The following CALCR variants were observed in gnomAD, a reference collection of about 807,000 sequenced individuals.
The protein encoded by CALCR is calcitonin receptor.
Under a neutral mutation model 59.5 loss-of-function variants are expected in CALCR, and 47 were observed. That is an observed-to-expected ratio of 0.79 (90% CI 0.63 to 1.01). CALCR has a LOEUF of 1.01. Ranked by LOEUF, CALCR falls within the 50% of genes least tolerant of loss-of-function variation. The pLI is 0.00. For synonymous variants in CALCR, 213 were observed against 211.3 expected, an observed-to-expected ratio of 1.01 and a Z score of -0.07; for missense variants, 566 against 597.1, an observed-to-expected ratio of 0.95 and a Z score of 0.54.
chr7:93,511,608 AG>A (rs1465386846), intron 2 of CALCR, among the ~76,000 whole-genome samples: 4 of 152,048 alleles, frequency 2.6e-5, no homozygotes, highest in African/African-American at 9.7e-5. Context: ...CCTTTTGAAT[AG>A]GAAAAAAAAA....
intron 2 of CALCR, among the ~76,000 whole-genome samples, chr7:93,534,189 A>G (rs1448034343): frequency 6.6e-6 from 1 of 151,892 alleles, no homozygotes; most frequent in African/African-American, 2.4e-5. Context: ...CAACGATTAC[A>G]TAACAGTCTA....
intron 2 of CALCR, among the ~76,000 whole-genome samples, chr7:93,516,762 AT>A (rs1315775110): frequency 6.6e-6 from 1 of 151,872 alleles, no homozygotes; most frequent in Non-Finnish European, 1.5e-5. Flanking sequence ...AATGATCGAT[AT>A]ATTTCTTTAA....
At chr7:93,457,607 T>A (rs1800234744) in intron 8 of CALCR, among the ~76,000 whole-genome samples, 1 of 152,166 alleles carries the variant, frequency 6.6e-6, no homozygotes. Flanking sequence ...AACGGAAGCC[T>A]CATTTCTTGG....
chr7:93,479,651 T>C (rs1800750783), intron 3 of CALCR, 144 bp from the exon 4 acceptor site: 3 of 683,152 alleles, frequency 4.4e-6, no homozygotes, highest in South Asian at 4.7e-5. Context: ...GTTTTTTTCA[T>C]ATATATTACA....
intron 2 of CALCR, among the ~76,000 whole-genome samples, chr7:93,490,089 C>CA (rs1376340129): frequency 6.6e-6 from 1 of 151,888 alleles, no homozygotes; most frequent in African/African-American, 2.4e-5. Context: ...TCCTGAGATG[C>CA]AAGTCTGGTT....
At chr7:93,440,417 A>T (rs551211341) in intron 9 of CALCR, among the ~76,000 whole-genome samples, 1 of 152,210 alleles carries the variant, frequency 6.6e-6, no homozygotes, top group East Asian at 1.9e-4. Flanking sequence ...TCCAAAGATA[A>T]TGCTTGCTTA....
At chr7:93,464,827 G>C (rs1800408318) in intron 7 of CALCR, among the ~76,000 whole-genome samples, 1 of 152,028 alleles carries the variant, frequency 6.6e-6, no homozygotes, top group South Asian at 2.1e-4. Flanking sequence ...AGCTAGAGAT[G>C]TATAATGGTG....
At chr7:93,495,666 C>A (rs532803109) in intron 2 of CALCR, among the ~76,000 whole-genome samples, 99 of 151,474 alleles carry the variant, frequency 6.5e-4, no homozygotes, top group African/African-American at 2.3e-3. Flanking sequence ...AGTAATCTGG[C>A]TCCTTAGGGT....
chr7:93,472,902 C>G (rs1800584251), intron 5 of CALCR, among the ~76,000 whole-genome samples: 2 of 151,694 alleles, frequency 1.3e-5, no homozygotes, highest in Non-Finnish European at 2.9e-5. Context: ...AAGAACATAC[C>G]TTTCTTTATT....
chr7:93,507,986 C>G (rs1584593853), intron 2 of CALCR, among the ~76,000 whole-genome samples: 2 of 151,812 alleles, frequency 1.3e-5, no homozygotes, highest in African/African-American at 4.8e-5. Context: ...GACAACCTTT[C>G]TTTGATTTTC....
chr7:93,531,113 A>G (rs1361177786), intron 2 of CALCR, among the ~76,000 whole-genome samples: 1 of 152,072 alleles, frequency 6.6e-6, no homozygotes, highest in Non-Finnish European at 1.5e-5. Flanking sequence ...TTATTATTAT[A>G]GTTTTATTAT....
At chr7:93,564,514 A>T (rs1042798863) in intron 2 of CALCR, among the ~76,000 whole-genome samples, 1 of 151,794 alleles carries the variant, frequency 6.6e-6, no homozygotes, top group African/African-American at 2.4e-5. Context: ...GTGCAATGGC[A>T]CTATCTCGGC....
At chr7:93,429,458 CTT>C (rs1799601858) in intron 13 of CALCR, among the ~76,000 whole-genome samples, 1 of 152,170 alleles carries the variant, frequency 6.6e-6, no homozygotes, top group Non-Finnish European at 1.5e-5. Context: ...ATTCACTTTA[CTT>C]TTTTTCCTGA....
intron 8 of CALCR, among the ~76,000 whole-genome samples, chr7:93,452,249 G>A (rs1800124905): frequency 6.6e-6 from 1 of 151,950 alleles, no homozygotes; most frequent in African/African-American, 2.4e-5. Context: ...TTGTTGCAGT[G>A]AATTTACTGC....
At chr7:93,482,785 A>C in intron 3 of CALCR, 1 of 533,686 alleles carries the variant, frequency 1.9e-6, no homozygotes, top group Non-Finnish European at 3.9e-6. Flanking sequence ...TTCTTGCAAT[A>C]TTGAAACAAA....
intron 2 of CALCR, among the ~76,000 whole-genome samples, chr7:93,568,509 T>TC (rs1789918557): frequency 4.9e-5 from 5 of 102,384 alleles, no homozygotes; most frequent in South Asian, 3.6e-4. Flanking sequence ...TAAAATTACT[T>TC]TCTCTCTCTC....
rs369253212 is a variant in CALCR, at chr7:93,436,166, T to C, written c.935A>G (p.Asn312Ser). The change falls in exon 12 of 14, where the codon AAT becomes AGT. Residue 312 changes from asparagine (N) to serine (S), a missense_variant. Transcript: ENST00000426151. Reference protein sequence around the residue: ...HGPVMAALVVNFFFLLNIVRV... With the variant: ...HGPVMAALVVSFFFLLNIVRV... ...GACAATGTTGAGCAAAAAGAAGAAA[T>C]TGACCTGCAAATATACGGTGTTATG... The C allele has an allele frequency of 4.3e-6, 7 of 1,613,462 alleles. No individual in the cohort carries two copies. Among genetic ancestry groups the C allele is most frequent in the African/African-American group, 2.7e-5 (2 of 74,904 alleles).
chr7:93,558,871 T>C (rs1200442151), intron 2 of CALCR, among the ~76,000 whole-genome samples: 3 of 152,010 alleles, frequency 2.0e-5, no homozygotes, highest in African/African-American at 7.2e-5. Context: ...CCTGAGAACT[T>C]ACTAGAAATG....
At chr7:93,558,128 CT>C (rs532827246) in intron 2 of CALCR, among the ~76,000 whole-genome samples, 6,348 of 140,626 alleles carry the variant, frequency 0.045, 336 homozygotes, top group African/African-American at 0.13. Flanking sequence ...TTTTTAACAC[CT>C]TTTTTTTTTT....
Sources: allele counts gnomAD v4.1 joint callset (sites outside exome capture counted in the v4.1 genomes callset), GRCh38; gene constraint gnomAD v4.1.1; transcripts MANE v1.5; gene names NCBI Gene and HGNC (gene_info 2026-07-23, HGNC 2026-07-21).